Variants in CFAP95 observed in about 807,000 individuals in gnomAD.
The protein encoded by CFAP95 is cilia and flagella associated protein 95, also known as cilia- and flagella-associated protein 95.
the CFAP95 span, among the ~76,000 whole-genome samples, chr9:69,875,771 A>C: frequency 6.6e-6 from 1 of 152,072 alleles, no homozygotes; most frequent in East Asian, 1.9e-4. Context: ...CCATCTACTC[A>C]TTACCCAGTT....
the CFAP95 span, among the ~76,000 whole-genome samples, chr9:69,825,454 C>T: frequency 3.3e-5 from 5 of 152,148 alleles, no homozygotes; most frequent in African/African-American, 4.8e-5. Flanking sequence ...TTAGGGGATA[C>T]CTTTGGTTCG....
chr9:69,854,985 C>T, the CFAP95 span, among the ~76,000 whole-genome samples: 1 of 152,192 alleles, frequency 6.6e-6, no homozygotes, highest in Non-Finnish European at 1.5e-5. Context: ...CAGTGTGCTT[C>T]AATAGTGTTG....
the CFAP95 span, among the ~76,000 whole-genome samples, chr9:69,894,543 A>G: frequency 6.6e-6 from 1 of 152,226 alleles, no homozygotes; most frequent in African/African-American, 2.4e-5. Flanking sequence ...TCTTACATGT[A>G]TTAGCTCACT....
At chr9:69,837,178 C>T in the CFAP95 span, among the ~76,000 whole-genome samples, 1 of 152,160 alleles carries the variant, frequency 6.6e-6, no homozygotes, top group Non-Finnish European at 1.5e-5. Flanking sequence ...GTGAATAATG[C>T]CGCAATAAAT....
chr9:69,853,089 T>C, the CFAP95 span, among the ~76,000 whole-genome samples: 1 of 152,180 alleles, frequency 6.6e-6, no homozygotes, highest in Non-Finnish European at 1.5e-5. Context: ...CAGAGGAATA[T>C]ACTTTCTGGG....
chr9:69,901,729 G>T, the CFAP95 span, among the ~76,000 whole-genome samples: 1 of 152,224 alleles, frequency 6.6e-6, no homozygotes, highest in South Asian at 2.1e-4. Context: ...GGGTCAAATG[G>T]TATTTCTAGT....
the CFAP95 span, among the ~76,000 whole-genome samples, chr9:69,891,185 G>C: frequency 6.6e-6 from 1 of 152,182 alleles, no homozygotes. Context: ...TATTGTTTCA[G>C]AGTAAAGAAG....
the CFAP95 span, among the ~76,000 whole-genome samples, chr9:69,861,239 A>T: frequency 6.6e-6 from 1 of 152,172 alleles, no homozygotes; most frequent in East Asian, 1.9e-4. Context: ...AATCGTATGG[A>T]GTCTTCATAG....
At chr9:69,879,280 A>G in the CFAP95 span, among the ~76,000 whole-genome samples, 1 of 152,318 alleles carries the variant, frequency 6.6e-6, no homozygotes, top group East Asian at 1.9e-4. Context: ...GGATGTTATT[A>G]TAAGAATTCA....
the CFAP95 span, among the ~76,000 whole-genome samples, chr9:69,841,171 T>A: frequency 1.3e-5 from 1 of 77,280 alleles, no homozygotes; most frequent in African/African-American, 4.2e-5. Flanking sequence ...GGATTATATA[T>A]ATATATATAT....
chr9:69,843,600 CTT>C, the CFAP95 span, among the ~76,000 whole-genome samples: 2 of 70,492 alleles, frequency 2.8e-5, no homozygotes, highest in Non-Finnish European at 4.9e-5. Flanking sequence ...TCTTCTTCTT[CTT>C]CTTCTTCTTC....
chr9:69,858,154 C>G, the CFAP95 span: 1 of 566,604 alleles, frequency 1.8e-6, no homozygotes, highest in East Asian at 3.0e-5. Context: ...CATTAATAAC[C>G]GTAATAATAA....
the CFAP95 span, among the ~76,000 whole-genome samples, chr9:69,897,127 A>C: frequency 6.6e-6 from 1 of 152,214 alleles, no homozygotes; most frequent in South Asian, 2.1e-4. Flanking sequence ...ACTTTTATAC[A>C]TGATGTATGC....
At chr9:69,863,293 C>T in the CFAP95 span, among the ~76,000 whole-genome samples, 3 of 152,156 alleles carry the variant, frequency 2.0e-5, no homozygotes, top group South Asian at 6.2e-4. Context: ...AATACAGATG[C>T]ACGTGTAGGG....
At chr9:69,895,369 C>CTCTCTCTCTCTCTGTGTGTGTGTG in the CFAP95 span, among the ~76,000 whole-genome samples, 5 of 107,920 alleles carry the variant, frequency 4.6e-5, no homozygotes, top group South Asian at 4.0e-4. Context: ...CTCTCTCTCT[C>CTCTCTCTCTCTCTGTGTGTGTGTG]TGTGTGTGTG....
chr9:69,905,690 G>A, the CFAP95 span, among the ~76,000 whole-genome samples: 2 of 152,016 alleles, frequency 1.3e-5, no homozygotes, highest in African/African-American at 4.8e-5. Context: ...GTGTATTTGT[G>A]GTTTAGAAAA....
chr9:69,902,369 A>C, the CFAP95 span: 1 of 453,186 alleles, frequency 2.2e-6, no homozygotes, highest in East Asian at 7.0e-5. Context: ...GATCATTGAC[A>C]TTCTAAAGTC....
At chr9:69,901,668 T>C in the CFAP95 span, among the ~76,000 whole-genome samples, 3 of 152,212 alleles carry the variant, frequency 2.0e-5, no homozygotes, top group Non-Finnish European at 4.4e-5. Flanking sequence ...TGTGTCTTTA[T>C]AGCAGCATGA....
At chr9:69,886,862 A>C in the CFAP95 span, 12 of 1,613,378 alleles carry the variant, frequency 7.4e-6, no homozygotes, top group South Asian at 1.3e-4. Flanking sequence ...CGTACTCAGA[A>C]GATTATGTTC....
Sources: gnomAD v4.1 joint callset for allele counts (sites outside exome capture counted in the v4.1 genomes callset) on GRCh38, gnomAD v4.1.1 for gene constraint, MANE v1.5 for transcripts, NCBI Gene and HGNC (gene_info 2026-07-23, HGNC 2026-07-21) for gene names.